The following PRKG1 variants were observed in gnomAD, a reference collection of about 807,000 sequenced individuals.
PRKG1 encodes the protein protein kinase cGMP-dependent 1.
A neutral mutation model predicts 88.1 loss-of-function variants in PRKG1; 35 were observed. That is an observed-to-expected ratio of 0.40 (90% CI 0.30 to 0.53). PRKG1 has a LOEUF of 0.53. Among genes scored for constraint, PRKG1 ranks in the 20% least tolerant of loss-of-function variants. The pLI, the probability that PRKG1 is intolerant of heterozygous loss-of-function variation, is 0.59. For missense variants in PRKG1, 540 were observed against 839.8 expected, an observed-to-expected ratio of 0.64 and a Z score of 4.41; for synonymous variants, 303 against 292.5, an observed-to-expected ratio of 1.04 and a Z score of -0.37.
At chr10:51,387,277 T>TG (rs1325019915) in intron 2 of PRKG1, among the ~76,000 whole-genome samples, 10 of 150,992 alleles carry the variant, frequency 6.6e-5, no homozygotes, top group African/African-American at 2.4e-4. Flanking sequence ...TGTTCTGCAG[T>TG]GGTCCTCTTG....
chr10:52,096,003 G>A (rs967152757), intron 7 of PRKG1, among the ~76,000 whole-genome samples: 1 of 152,146 alleles, frequency 6.6e-6, no homozygotes, highest in East Asian at 1.9e-4. Flanking sequence ...AGTCTGTAAG[G>A]CAGGCAATTA....
At chr10:51,041,299 G>GTAT (rs1373997205) in intron 1 of PRKG1, among the ~76,000 whole-genome samples, 11 of 151,652 alleles carry the variant, frequency 7.3e-5, no homozygotes, top group Non-Finnish European at 1.2e-4. Flanking sequence ...CCAGGAGCCT[G>GTAT]CTTGGTGCTC....
intron 2 of PRKG1, among the ~76,000 whole-genome samples, chr10:51,247,733 T>C (rs1839329624): frequency 6.6e-6 from 1 of 151,944 alleles, no homozygotes; most frequent in Admixed American, 6.6e-5. Flanking sequence ...TATCCCATAT[T>C]GCTGTGTCTT....
intron 7 of PRKG1, among the ~76,000 whole-genome samples, chr10:52,099,468 C>A (rs1429648952): frequency 6.6e-6 from 1 of 152,166 alleles, no homozygotes; most frequent in Non-Finnish European, 1.5e-5. Flanking sequence ...ACTATGAAGA[C>A]ACTATGTCAC....
intron 3 of PRKG1, among the ~76,000 whole-genome samples, chr10:51,474,318 C>T (rs113979354): frequency 0.011 from 1,712 of 152,054 alleles, 37 homozygotes; most frequent in African/African-American, 0.039. Context: ...TTTTAAGCAC[C>T]AGTGTATCTG....
At chr10:51,877,743 A>G (rs1841335409) in intron 4 of PRKG1, among the ~76,000 whole-genome samples, 1 of 152,180 alleles carries the variant, frequency 6.6e-6, no homozygotes, top group South Asian at 2.1e-4. Context: ...TTTTTGCCCT[A>G]TTCTTTAAGA....
intron 3 of PRKG1, among the ~76,000 whole-genome samples, chr10:51,803,822 C>T (rs993609715): frequency 6.6e-6 from 1 of 152,008 alleles, no homozygotes; most frequent in Non-Finnish European, 1.5e-5. Context: ...TGCCATCACA[C>T]CAATGTAATA....
intron 5 of PRKG1, among the ~76,000 whole-genome samples, chr10:52,003,603 C>G (rs931201892): frequency 6.6e-6 from 1 of 152,154 alleles, no homozygotes; most frequent in Admixed American, 6.5e-5. Context: ...TTCCAAAGAT[C>G]TGATGCTGGT....
intron 2 of PRKG1, among the ~76,000 whole-genome samples, chr10:51,450,951 T>C (rs1426023444): frequency 1.3e-5 from 2 of 151,778 alleles, no homozygotes; most frequent in East Asian, 3.9e-4. Context: ...TTGTGTAAAA[T>C]ATTAGAAGTG....
intron 9 of PRKG1, among the ~76,000 whole-genome samples, chr10:52,243,813 C>T (rs1291309166): frequency 6.6e-6 from 1 of 152,118 alleles, no homozygotes; most frequent in Non-Finnish European, 1.5e-5. Context: ...GCATTACTAT[C>T]ATTCTTATTA....
intron 3 of PRKG1, among the ~76,000 whole-genome samples, chr10:51,673,992 G>A (rs1840646784): frequency 6.6e-6 from 1 of 152,106 alleles, no homozygotes; most frequent in Non-Finnish European, 1.5e-5. Flanking sequence ...GACTGTGCTA[G>A]TGACCATGTA....
chr10:51,511,222 C>T (rs145071899), intron 3 of PRKG1, among the ~76,000 whole-genome samples: 88 of 152,070 alleles, frequency 5.8e-4, no homozygotes, highest in African/African-American at 2.1e-3. Context: ...AGGCTTGTTG[C>T]GGGGGATCAG....
chr10:51,966,184 A>C (rs1843562882), intron 5 of PRKG1, among the ~76,000 whole-genome samples: 1 of 152,214 alleles, frequency 6.6e-6, no homozygotes, highest in African/African-American at 2.4e-5. Flanking sequence ...TTCATATTTC[A>C]TAAGCTGATT....
chr10:51,697,985 C>A (rs1475690960), intron 3 of PRKG1: 1 of 1,609,492 alleles, frequency 6.2e-7, no homozygotes, highest in East Asian at 2.2e-5. Context: ...TCCTTGTATG[C>A]CTGCTCCCTG....
At chr10:52,163,494 A>T (rs1838338275) in intron 9 of PRKG1, among the ~76,000 whole-genome samples, 1 of 151,974 alleles carries the variant, frequency 6.6e-6, no homozygotes, top group Admixed American at 6.6e-5. Context: ...ACTTTTGTAG[A>T]CTAATGTATT....
intron 1 of PRKG1, among the ~76,000 whole-genome samples, chr10:51,011,103 C>CACTG (rs1285469448): frequency 6.6e-6 from 1 of 152,130 alleles, no homozygotes; most frequent in Non-Finnish European, 1.5e-5. Flanking sequence ...CACAAGGGGG[C>CACTG]AGTAACGCCC....
intron 2 of PRKG1, among the ~76,000 whole-genome samples, chr10:51,385,201 G>A (rs898660449): frequency 6.6e-6 from 1 of 152,024 alleles, no homozygotes; most frequent in African/African-American, 2.4e-5. Flanking sequence ...AAAAAGTAAT[G>A]GTGCTCTGGT....
chr10:52,207,630 T>A (rs1315618300), intron 9 of PRKG1, among the ~76,000 whole-genome samples: 1 of 152,088 alleles, frequency 6.6e-6, no homozygotes, highest in Non-Finnish European at 1.5e-5. Context: ...CCCTGCCACC[T>A]CTCTAAGCAG....
At chr10:52,171,146 G>GTT (rs777572088) in intron 9 of PRKG1, among the ~76,000 whole-genome samples, 11 of 78,098 alleles carry the variant, frequency 1.4e-4, no homozygotes, top group East Asian at 1.0e-3. Flanking sequence ...TTTTGGTTTT[G>GTT]TTTTTTTTTT....
Sources: allele counts gnomAD v4.1 joint callset (sites outside exome capture counted in the v4.1 genomes callset), GRCh38; gene constraint gnomAD v4.1.1; transcripts MANE v1.5; gene names NCBI Gene and HGNC (gene_info 2026-07-23, HGNC 2026-07-21).